FIBCD1: variants seen among roughly 807,000 people sequenced by gnomAD.
FIBCD1 encodes the protein fibrinogen C domain-containing protein 1.
FIBCD1 carries 47 observed loss-of-function variants against 45.1 expected under a neutral mutation model. That is an observed-to-expected ratio of 1.04 (90% confidence interval 0.82 to 1.33). FIBCD1 has a LOEUF of 1.33. Ranked by LOEUF, FIBCD1 falls within the 40% of genes most tolerant of loss-of-function variation. The pLI is 0.00. For synonymous variants in FIBCD1, 313 were observed against 308.1 expected (o/e 1.02, Z -0.17); for missense variants, 653 against 682.2 (o/e 0.96, Z 0.48).
chr9:130,904,414 T>C (rs1831890117), intron 6 of FIBCD1, 91 bp from the exon 7 acceptor site: 1 of 1,506,646 alleles, frequency 6.6e-7, no homozygotes, highest in Non-Finnish European at 8.9e-7. Context: ...ACACTGCACG[T>C]GCACCTGGAC....
intron 1 of FIBCD1, among the ~76,000 whole-genome samples, chr9:130,930,435 T>C (rs908282352): frequency 1.3e-3 from 185 of 143,084 alleles, no homozygotes; most frequent in Non-Finnish European, 1.4e-3. Context: ...CGGGGAGACA[T>C]GGGGAGATGC....
chr9:130,924,250 C>A lies in FIBCD1; in HGVS notation c.699G>T (p.Arg233=). 1 of 1,595,884 alleles carries A rather than the reference C, an allele frequency of 6.3e-7. No individual in the cohort carries two copies. Among genetic ancestry groups the A allele is most frequent in the Non-Finnish European group, 8.5e-7 (1 of 1,172,850 alleles). Residue 233 remains arginine (R), a synonymous_variant, in exon 3 of 7, where the codon CGG becomes CGT. Coordinates refer to ENST00000372338, the MANE Select transcript of FIBCD1 (RefSeq NM_032843.5). ...TGCCCCACTCACCAGTGGCACAGCC[C>A]CGGGGCCGGGTTCCCCGGGCAGGCG... The part of the protein sequence containing the change: ...QRAPARGTRP[R]GCATGSRPRD...
At chr9:130,934,787 G>C (rs775640429) in intron 1 of FIBCD1, among the ~76,000 whole-genome samples, 1 of 152,062 alleles carries the variant, frequency 6.6e-6, no homozygotes, top group Non-Finnish European at 1.5e-5. Context: ...CACCTCCTCA[G>C]GTCTCCCTCC....
Position 130,924,251 on chromosome 9 carries a change from C to A in FIBCD1, c.698G>T (p.Arg233Leu). 1 of 1,596,246 alleles carries A rather than the reference C, an allele frequency of 6.3e-7. No individual in the cohort carries two copies. Residue 233 changes from arginine to leucine, a missense_variant, in exon 3 of 7, where the codon CGG (arginine) becomes CTG (leucine). Transcript: ENST00000372338. ...GCCCCACTCACCAGTGGCACAGCCC[C>A]GGGGCCGGGTTCCCCGGGCAGGCGC... The part of the protein sequence containing the change: ...QRAPARGTRP[R>L]GCATGSRPRD...
chr9:130,930,710 G>A (rs556973115), intron 1 of FIBCD1: 60 of 454,210 alleles, frequency 1.3e-4, no homozygotes, highest in Non-Finnish European at 2.3e-4. Flanking sequence ...GCAGCCAGAC[G>A]GGACAGGGCT....
At chr9:130,914,774 G>A (rs191351248) in intron 4 of FIBCD1, among the ~76,000 whole-genome samples, 6 of 152,198 alleles carry the variant, frequency 3.9e-5, no homozygotes, top group Admixed American at 6.5e-5. Context: ...TACGTAACTC[G>A]CCAGACCCCA....
At chr9:130,907,603 A>G (rs1273797182) in intron 5 of FIBCD1, among the ~76,000 whole-genome samples, 5 of 152,198 alleles carry the variant, frequency 3.3e-5, no homozygotes, top group African/African-American at 1.2e-4. Context: ...ACAACACTAG[A>G]AAAACAGAAG....
chr9:130,903,596 G>T lies in FIBCD1; in HGVS notation c.*468C>A, dbSNP rs889223827. On this transcript the variant is annotated 3_prime_UTR_variant, in exon 7 of 7. Coordinates refer to ENST00000372338, the MANE Select transcript of FIBCD1 (RefSeq NM_032843.5). ...GGGGTTGGCATTGGGAGGGCTGGAG[G>T]ATACTGGCCTCAGACCTGACCTCAG... 9.0e-6 allele frequency: 2 copies of T among 222,118 alleles called. No homozygotes were observed. The highest frequency in any genetic ancestry group is 7.7e-5 in the South Asian group (1 of 12,954). 13.8% of individuals were successfully genotyped at this position (222,118 alleles called of 1,614,324 possible).
At chr9:130,914,343 T>TA (rs1832118707) in intron 4 of FIBCD1, among the ~76,000 whole-genome samples, 1 of 152,128 alleles carries the variant, frequency 6.6e-6, no homozygotes, top group Non-Finnish European at 1.5e-5. Flanking sequence ...GTTCTGCCCT[T>TA]GGGGACCTTA....
intron 5 of FIBCD1, among the ~76,000 whole-genome samples, chr9:130,908,578 C>G (rs977705441): frequency 1.3e-5 from 2 of 152,208 alleles, no homozygotes; most frequent in African/African-American, 4.8e-5. Flanking sequence ...CTCCCCCAAC[C>G]CCAACACACG....
At chr9:130,936,857 C>T (rs1001851288) in intron 1 of FIBCD1, among the ~76,000 whole-genome samples, 3 of 152,150 alleles carry the variant, frequency 2.0e-5, no homozygotes, top group Non-Finnish European at 4.4e-5. Context: ...GTGGCACAGG[C>T]TAAACACTAC....
At chr9:130,923,562 C>T (rs1433043090) in intron 4 of FIBCD1, among the ~76,000 whole-genome samples, 182 bp downstream of exon 4, 1 of 152,188 alleles carries the variant, frequency 6.6e-6, no homozygotes. Context: ...CTCACAGAGT[C>T]CCCTGTTCCC....
At chr9:130,910,259 C>A (rs544403202) in intron 5 of FIBCD1, among the ~76,000 whole-genome samples, 9 of 152,356 alleles carry the variant, frequency 5.9e-5, no homozygotes, top group African/African-American at 2.2e-4. Context: ...AGGAACTTAG[C>A]ACCTGGGCCA....
At chr9:130,937,053 C>T (rs1832529660) in intron 1 of FIBCD1, among the ~76,000 whole-genome samples, 1 of 151,756 alleles carries the variant, frequency 6.6e-6, no homozygotes, top group South Asian at 2.1e-4. Flanking sequence ...AATGGAGCGG[C>T]GTGGTGTGGG....
chr9:130,911,745 C>T (rs752104263), intron 5 of FIBCD1, 47 bp downstream of exon 5: 46 of 1,530,612 alleles, frequency 3.0e-5, no homozygotes, highest in Middle Eastern at 1.7e-4. Context: ...GTCCGGAAGG[C>T]AGGGGGAGGA....
intron 2 of FIBCD1, among the ~76,000 whole-genome samples, chr9:130,925,478 C>T (rs957567109): frequency 6.6e-6 from 1 of 152,150 alleles, no homozygotes; most frequent in Admixed American, 6.5e-5. Context: ...TCACTAGCTG[C>T]GTGACCCCGG....
chr9:130,930,038 G>C lies in FIBCD1; in HGVS notation c.81C>G (p.Ser27Arg), dbSNP rs761072079. Residue 27 changes from serine (S) to arginine (R), a missense_variant, in exon 2 of 7, where the codon AGC (serine) becomes AGG (arginine). Physicochemically the swap from Ser to Arg is moderately radical, Grantham distance 110. Transcript: ENST00000372338. ...DRPRDKPQRP[S>R]CGYVLCTVLL... is the part of the protein sequence containing the mutation. ...GCACGGTGCACAGCACGTAGCCGCA[G>C]CTCGGCCGCTGCAGGCCCGCCCGGG... The C allele has an allele frequency of 6.7e-7, 1 of 1,500,820 alleles. No homozygotes were observed. The highest frequency in any genetic ancestry group is 8.9e-7 in the Non-Finnish European group (1 of 1,127,928). The allele number at this position is 1,500,820 out of a possible 1,614,324, so 93.0% of individuals were successfully genotyped here. A position where few individuals can be genotyped will look rare whatever the true frequency, so the allele number is the denominator to read the frequency against.
chr9:130,940,141 C>A (rs1832597798), upstream of FIBCD1, among the ~76,000 whole-genome samples: 1 of 152,240 alleles, frequency 6.6e-6, no homozygotes, highest in Non-Finnish European at 1.5e-5. Flanking sequence ...CGTCCCTCTC[C>A]CGATCCCTCT....
rs1044411485 is a variant in FIBCD1 at position 130,922,005 on chromosome 9, G to A, written c.849+1739C>T. ...ACCGGCCGCCTGTGCGGGCCTCCCC[G>A]CGTCCTGCCTCTGCTGGGGACCGCT... On this transcript the variant is annotated intron_variant, in intron 4 of 6. Coordinates refer to ENST00000372338, the MANE Select transcript of FIBCD1 (RefSeq NM_032843.5). This position sits in a 1 kb window ranked among gnomAD's most constrained non-coding sequence, Gnocchi z 4.5. Among the ~76,000 whole-genome samples the A allele has an allele frequency of 6.6e-5, 10 of 152,254 alleles. No homozygotes were observed. Among genetic ancestry groups the A allele is most frequent in the East Asian group, 1.9e-4 (1 of 5,178 alleles).
Sources: allele counts gnomAD v4.1 joint callset (sites outside exome capture counted in the v4.1 genomes callset), GRCh38; gene constraint gnomAD v4.1.1; non-coding constraint Gnocchi (gnomAD v3.1); transcripts MANE v1.5; gene names NCBI Gene and HGNC (gene_info 2026-07-23, HGNC 2026-07-21).